Variants in EPHA1 observed in about 807,000 individuals in gnomAD.
The protein encoded by EPHA1 is ephrin type-A receptor 1.
A neutral mutation model predicts 110.1 loss-of-function variants in EPHA1; 92 were observed. That is an observed-to-expected ratio of 0.84 (90% CI 0.71 to 0.99). The LOEUF (loss-of-function observed/expected upper bound fraction) is 0.99. Ranked by LOEUF, EPHA1 falls within the 50% of genes least tolerant of loss-of-function variation. EPHA1 has a pLI of 0.00. For missense variants in EPHA1, 1,204 were observed against 1,285.4 expected (o/e 0.94, Z 0.97); for synonymous variants, 500 against 516.1 (o/e 0.97, Z 0.42).
chr7:143,399,625 C>G (rs768586380), intron 4 of EPHA1, 26 bp downstream of exon 4: 1 of 1,611,412 alleles, frequency 6.2e-7, no homozygotes, highest in Admixed American at 1.7e-5. Context: ...AGTGGTTCCT[C>G]AGGTTCTCAC....
In EPHA1 at chr7:143,401,678, G is replaced by A; in HGVS notation, c.151-73C>T. ...CAAACCCTTGGTTTTTAGAGCTGAT[G>A]GAGAAGCAGCTGTGTCAGAGCCCCT... On this transcript the variant is annotated intron_variant, in intron 2 of 17. Coordinates refer to ENST00000275815, the MANE Select transcript of EPHA1 (RefSeq NM_005232.5). This position sits in a 1 kb window ranked among gnomAD's most constrained non-coding sequence, Gnocchi z 4.1. The A allele has an allele frequency of 6.5e-7, 1 of 1,541,712 alleles. No individual in the cohort carries two copies. Among genetic ancestry groups the A allele is most frequent in the Non-Finnish European group, 8.8e-7 (1 of 1,133,498 alleles).
At chr7:143,408,513 G>T (rs1279103686) in intron 1 of EPHA1, among the ~76,000 whole-genome samples, 1 of 152,002 alleles carries the variant, frequency 6.6e-6, no homozygotes, top group African/African-American at 2.4e-5. Context: ...GGGAGTGGGG[G>T]TGACTGACCC....
rs1024513000 is a variant in EPHA1, at chr7:143,393,349, C to T, written c.2696+322G>A. ...GAAGGGGATGCATCCCAAGAATGGG[C>T]CACAGTACAACACAGTGGGATTGGC... is the stretch of plus-strand genomic sequence containing the variant. On this transcript the variant is annotated intron_variant, in intron 16 of 17. Coordinates refer to ENST00000275815, the MANE Select transcript of EPHA1 (RefSeq NM_005232.5). This position sits in a 1 kb window ranked among gnomAD's most constrained non-coding sequence, Gnocchi z 5.6. Among the ~76,000 whole-genome samples the T allele has an allele frequency of 6.6e-6, 1 of 152,118 alleles. No homozygotes were observed. The highest frequency in any genetic ancestry group is 1.5e-5 in the Non-Finnish European group (1 of 68,026).
intron 11 of EPHA1, among the ~76,000 whole-genome samples, chr7:143,396,079 T>A (rs11762334): frequency 0.39 from 58,643 of 152,154 alleles, 12,311 homozygotes; most frequent in Middle Eastern, 0.55. Flanking sequence ...ATCTGGACCC[T>A]CAGCACAGCA....
In EPHA1 at chr7:143,391,452, A is replaced by G; in HGVS notation, c.*5T>C. 1.2e-6 allele frequency: 2 copies of G among 1,614,028 alleles called. No individual in the cohort carries two copies. The highest frequency in any genetic ancestry group is 1.7e-6 in the Non-Finnish European group (2 of 1,179,976). ...CCCTGATTGGGCATGGGGTGAGAGG[A>G]GGGATCAGTCCTTGAATCCCTGAAT... On this transcript the variant is annotated 3_prime_UTR_variant, in exon 18 of 18. Coordinates refer to ENST00000275815, the MANE Select transcript of EPHA1 (RefSeq NM_005232.5).
chr7:143,403,457 T>C (rs758813743), intron 2 of EPHA1, among the ~76,000 whole-genome samples: 5 of 152,168 alleles, frequency 3.3e-5, no homozygotes, highest in African/African-American at 1.2e-4. Context: ...TAATACTCCA[T>C]TGTAGAGAAG....
chr7:143,391,357 T>G lies in EPHA1; in HGVS notation c.*100A>C. On this transcript the variant is annotated 3_prime_UTR_variant, in exon 18 of 18. Transcript: ENST00000275815. The stretch of plus-strand genomic sequence containing the variant: ...GGCAGAAGCAGCACCGATAGCCTAG[T>G]CTGGCAGGTTGTGGGAAGGGGCGCA... 7.1e-7 allele frequency: 1 copy of G among 1,401,960 alleles called. No homozygotes were observed. Among genetic ancestry groups the G allele is most frequent in the Non-Finnish European group, 9.9e-7 (1 of 1,015,096 alleles). The allele number at this position is 1,401,960 out of a possible 1,614,324, so 86.8% of individuals were successfully genotyped here.
At chr7:143,400,143 C>T (rs758161540) in intron 3 of EPHA1, 90 bp from the exon 4 acceptor site, 9 of 1,429,002 alleles carry the variant, frequency 6.3e-6, no homozygotes, top group Non-Finnish European at 8.4e-6. Context: ...TAATACTTTC[C>T]ACAACCATGA....
At position 143,391,449 on chromosome 7, in the gene EPHA1, A is replaced by G. The variant is rs1230044770; in HGVS notation, c.*8T>C. The G allele has an allele frequency of 6.2e-7, 1 of 1,613,990 alleles. No individual in the cohort carries two copies. The highest frequency in any genetic ancestry group is 8.5e-7 in the Non-Finnish European group (1 of 1,179,972). Reference sequence around the variant, plus strand: ...GCACCCTGATTGGGCATGGGGTGAGAGGAGGGATCAGTCCTTGAATCCCTG... The same window carrying G: ...GCACCCTGATTGGGCATGGGGTGAGGGGAGGGATCAGTCCTTGAATCCCTG... On this transcript the variant is annotated 3_prime_UTR_variant, in exon 18 of 18. Transcript: ENST00000275815.
rs1805094085 is a variant in EPHA1, at chr7:143,391,752, A to G, written c.2720T>C (p.Leu907Pro). ...ATATGGGATCCCATCTGAGCCACTC[A>G]GGCTGGGCAGGCGAAGAGTCATCCT... is the stretch of plus-strand genomic sequence containing the variant. ...DPRMTLRLPS[L>P]SGSDGIPYRT... The change falls in exon 17 of 18, where the codon CTG becomes CCG. Residue 907 changes from leucine (L) to proline (P), a missense_variant. Leu to Pro is a moderately conservative substitution (Grantham distance 98, BLOSUM62 -3). Coordinates refer to ENST00000275815, the MANE Select transcript of EPHA1 (RefSeq NM_005232.5). The G allele has an allele frequency of 6.2e-7, 1 of 1,613,862 alleles. No homozygotes were observed. Among genetic ancestry groups the G allele is most frequent in the Non-Finnish European group, 8.5e-7 (1 of 1,180,026 alleles).
In EPHA1 at chr7:143,394,284, G is replaced by A. The variant is rs746206131; in HGVS notation, c.2412C>T (p.Thr804=). 30 of 1,614,152 alleles carry A rather than the reference G, an allele frequency of 1.9e-5. No homozygotes were observed. Among genetic ancestry groups the A allele is most frequent in the Non-Finnish European group, 2.5e-5 (30 of 1,180,032 alleles). The change falls in exon 15 of 18, where the codon ACC becomes ACT. Residue 804 remains threonine, a synonymous_variant. Transcript: ENST00000275815. The part of the protein sequence containing the change: ...APEAIAHRIF[T]TASDVWSFGI... The stretch of plus-strand genomic sequence containing the variant: ...CAAAGCTCCACACATCGCTGGCTGT[G>A]GTGAAGATCCGATGGGCAATGGCTT...
In EPHA1 at chr7:143,407,613, C is replaced by G; in HGVS notation, c.148G>C (p.Gly50Arg). 2 of 1,613,238 alleles carry G rather than the reference C, an allele frequency of 1.2e-6. No homozygotes were observed. Among genetic ancestry groups the G allele is most frequent in the Non-Finnish European group, 1.7e-6 (2 of 1,179,578 alleles). Residue 50 changes from glycine (G) to arginine (R), a missense_variant and splice_region_variant, in exon 2 of 18, where the codon GGG (glycine) becomes CGG (arginine). Transcript: ENST00000275815. ...LGWLLDPPKD[G>R]WSEQQQILNG... is the part of the protein sequence containing the mutation. Reference sequence around the variant, plus strand: ...TCCTTCCCTCTTCCGACACTTACCCCATCTTTTGGGGGATCCAGCAGCCAG... The same window carrying G: ...TCCTTCCCTCTTCCGACACTTACCCGATCTTTTGGGGGATCCAGCAGCCAG...
intron 2 of EPHA1, among the ~76,000 whole-genome samples, chr7:143,404,503 C>A (rs959071560): frequency 4.6e-5 from 7 of 152,136 alleles, no homozygotes; most frequent in Non-Finnish European, 8.8e-5. Context: ...AGGTGTGAGC[C>A]ACCGCGCGTG....
In EPHA1 at chr7:143,398,904, C is replaced by T; in HGVS notation, c.1033G>A (p.Gly345Arg). Reference sequence around the variant, plus strand: ...TCCCAACGCAGGGAGAGCTGAGTCCCTGAGGCAGAGAAGCTCAGGTTTCGG... The same window carrying T: ...TCCCAACGCAGGGAGAGCTGAGTCCTTGAGGCAGAGAAGCTCAGGTTTCGG... ...APRNLSFSAS[G>R]TQLSLRWEPP... is the part of the protein sequence containing the mutation. The change falls in exon 6 of 18, where the codon GGG (glycine) becomes AGG (arginine). Residue 345 changes from glycine to arginine, a missense_variant. Coordinates refer to ENST00000275815, the MANE Select transcript of EPHA1 (RefSeq NM_005232.5). The T allele has an allele frequency of 6.2e-7, 1 of 1,612,982 alleles. No individual in the cohort carries two copies. The highest frequency in any genetic ancestry group is 8.5e-7 in the Non-Finnish European group (1 of 1,179,554).
In EPHA1 at chr7:143,401,054, C is replaced by T; in HGVS notation, c.432+270G>A. On this transcript the variant is annotated intron_variant, in intron 3 of 17. Coordinates refer to ENST00000275815, the MANE Select transcript of EPHA1 (RefSeq NM_005232.5). This position sits in a 1 kb window ranked among gnomAD's most constrained non-coding sequence, Gnocchi z 4.1. ...GACTACAGGTATGGGCCACCATGCC[C>T]AGGTGATTTTTAATTTTTTGCAGAG... is the stretch of plus-strand genomic sequence containing the variant. 2.1e-6 allele frequency: 1 copy of T among 478,550 alleles called. No homozygotes were observed. Among genetic ancestry groups the T allele is most frequent in the Non-Finnish European group, 3.8e-6 (1 of 264,468 alleles). The allele number at this position is 478,550 out of a possible 1,614,324, so 29.6% of individuals were successfully genotyped here.
At chr7:143,397,248 C>CGCACACACAGGTGT in intron 10 of EPHA1, 56 bp downstream of exon 10, 1 of 1,502,992 alleles carries the variant, frequency 6.7e-7, no homozygotes, top group African/African-American at 1.4e-5. Flanking sequence ...CACACACACA[C>CGCACACACAGGTGT]GCACACACAG....
chr7:143,405,791 G>A (rs1805532878), intron 2 of EPHA1, among the ~76,000 whole-genome samples: 1 of 152,156 alleles, frequency 6.6e-6, no homozygotes, highest in Non-Finnish European at 1.5e-5. Flanking sequence ...CTAATTACAG[G>A]CTACTCTGTA....
chr7:143,399,498 T>G, intron 4 of EPHA1, 85 bp from the exon 5 acceptor site: 1 of 1,544,122 alleles, frequency 6.5e-7, no homozygotes, highest in Non-Finnish European at 8.7e-7. Flanking sequence ...CCCAATCCCT[T>G]CTACTGGAAA....
chr7:143,400,238 T>C (rs1805382264), intron 3 of EPHA1, among the ~76,000 whole-genome samples, 185 bp from the exon 4 acceptor site: 1 of 152,210 alleles, frequency 6.6e-6, no homozygotes. Context: ...TCTTATGAGG[T>C]AGGATGGCTT....
Sources: gnomAD v4.1 joint callset for allele counts (sites outside exome capture counted in the v4.1 genomes callset) on GRCh38, gnomAD v4.1.1 for gene constraint, Gnocchi (gnomAD v3.1) non-coding constraint, MANE v1.5 for transcripts, NCBI Gene and HGNC (gene_info 2026-07-23, HGNC 2026-07-21) for gene names.